The following FIG4 variants were observed in gnomAD, a reference collection of about 807,000 sequenced individuals.
FIG4 encodes the protein FIG4 phosphoinositide 5-phosphatase.
Under a neutral mutation model 118.6 loss-of-function variants are expected in FIG4, and 112 were observed. The observed-to-expected ratio is 0.94, with a 90% confidence interval of 0.81 to 1.11. The LOEUF is 1.11. Ranked by LOEUF, FIG4 falls within the 50% of genes least tolerant of loss-of-function variation. FIG4 has a pLI of 0.00. For synonymous variants in FIG4, 369 were observed against 381.2 expected (o/e 0.97, Z 0.37); for missense variants, 969 against 1,111.7 (o/e 0.87, Z 1.83).
intron 22 of FIG4, among the ~76,000 whole-genome samples, chr6:109,800,746 G>A (rs1778405233): frequency 6.6e-6 from 1 of 152,078 alleles, no homozygotes; most frequent in Non-Finnish European, 1.5e-5. Context: ...GGGCATCCTT[G>A]AACACTTTTT....
chr6:109,718,537 G>A (rs9398214), intron 3 of FIG4, among the ~76,000 whole-genome samples: 4 of 151,990 alleles, frequency 2.6e-5, no homozygotes, highest in Non-Finnish European at 5.9e-5. Context: ...GAATACTGTC[G>A]TTGCTCTTCA....
chr6:109,777,187 A>T (rs891580966), intron 16 of FIG4, 127 bp downstream of exon 16: 31 of 862,570 alleles, frequency 3.6e-5, no homozygotes, highest in Non-Finnish European at 5.1e-5. Flanking sequence ...AATTTTTAAA[A>T]TTTTTTGTGG....
intron 18 of FIG4, among the ~76,000 whole-genome samples, chr6:109,789,122 A>C (rs1170001662): frequency 6.6e-6 from 1 of 152,216 alleles, no homozygotes; most frequent in East Asian, 1.9e-4. Flanking sequence ...GTTGTCCATG[A>C]AACTGAACAG....
intron 22 of FIG4, among the ~76,000 whole-genome samples, chr6:109,813,374 A>T (rs1778773512): frequency 6.6e-6 from 1 of 152,146 alleles, no homozygotes; most frequent in African/African-American, 2.4e-5. Context: ...TAATCCTCAA[A>T]CCCATTCAAG....
intron 22 of FIG4, among the ~76,000 whole-genome samples, chr6:109,807,746 A>G (rs754383729): frequency 2.6e-5 from 4 of 152,106 alleles, no homozygotes; most frequent in Non-Finnish European, 4.4e-5. Context: ...TTTAGGTCTT[A>G]TGTTTAAGTA....
Position 109,743,876 on chromosome 6 carries a change from G to T in FIG4, c.1137+104G>T. On this transcript the variant is annotated intron_variant, in intron 10 of 22. Coordinates refer to ENST00000230124, the MANE Select transcript of FIG4 (RefSeq NM_014845.6). Reference sequence around the variant, plus strand: ...AGCCATGCTTTCCCTCTTCCTAGTGGAGAGACGTGCAGATTATTATGCTGG... The same window carrying T: ...AGCCATGCTTTCCCTCTTCCTAGTGTAGAGACGTGCAGATTATTATGCTGG... 3.6e-6 allele frequency: 3 copies of T among 836,556 alleles called. No homozygotes were observed. The South Asian group carries it at 4.1e-5, about 11-fold the overall frequency. 51.8% of individuals were successfully genotyped at this position (836,556 alleles called of 1,614,324 possible).
At chr6:109,724,388 C>T (rs999350380) in intron 3 of FIG4, among the ~76,000 whole-genome samples, 4 of 152,118 alleles carry the variant, frequency 2.6e-5, no homozygotes, top group Non-Finnish European at 5.9e-5. Flanking sequence ...AGCTGTGTAC[C>T]TTGCCTGCAT....
chr6:109,707,410 T>C (rs117993671), intron 1 of FIG4, among the ~76,000 whole-genome samples: 6,286 of 148,364 alleles, frequency 0.042, 170 homozygotes, highest in South Asian at 0.09. Flanking sequence ...TACATATACA[T>C]ATATACCTAT....
chr6:109,743,777 G>A lies in FIG4; in HGVS notation c.1137+5G>A. On this transcript the variant is annotated splice_donor_5th_base_variant and intron_variant, in intron 10 of 22. Coordinates refer to ENST00000230124, the MANE Select transcript of FIG4 (RefSeq NM_014845.6). The stretch of plus-strand genomic sequence containing the variant: ...ATCATCTTGAATTTAGTGAAGGTAT[G>A]ATGTGCTCATCTGTTTGGTTATGAG... 10 of 1,597,980 alleles carry A rather than the reference G, an allele frequency of 6.3e-6. No individual in the cohort carries two copies. Among genetic ancestry groups the A allele is most frequent in the Non-Finnish European group, 8.6e-6 (10 of 1,165,912 alleles).
intron 1 of FIG4, among the ~76,000 whole-genome samples, chr6:109,710,462 G>A (rs1775222623): frequency 6.6e-6 from 1 of 152,156 alleles, no homozygotes; most frequent in African/African-American, 2.4e-5. Flanking sequence ...GATGATGCTG[G>A]CCTCATAGAA....
At chr6:109,730,237 T>G (rs1257287776) in intron 4 of FIG4, among the ~76,000 whole-genome samples, 2 of 151,844 alleles carry the variant, frequency 1.3e-5, no homozygotes, top group Non-Finnish European at 2.9e-5. Context: ...TCGGCAGAAA[T>G]AGGGTCTTTC....
At chr6:109,785,093 T>G in intron 17 of FIG4, 65 bp downstream of exon 17, 1 of 889,814 alleles carries the variant, frequency 1.1e-6, no homozygotes, top group South Asian at 1.3e-5. Flanking sequence ...TTAATGAACT[T>G]GAAGCATTAA....
chr6:109,706,281 G>A (rs759583754), intron 1 of FIG4, among the ~76,000 whole-genome samples: 1 of 152,186 alleles, frequency 6.6e-6, no homozygotes, highest in Non-Finnish European at 1.5e-5. Flanking sequence ...GACATGGGTG[G>A]TTCACTGGCC....
At chr6:109,810,890 G>A (rs1316887025) in intron 22 of FIG4, among the ~76,000 whole-genome samples, 1 of 152,204 alleles carries the variant, frequency 6.6e-6, no homozygotes, top group Non-Finnish European at 1.5e-5. Context: ...GTATCAGAAA[G>A]AGTATGAGGC....
intron 19 of FIG4, among the ~76,000 whole-genome samples, chr6:109,789,920 A>G (rs1778091235): frequency 6.6e-6 from 1 of 152,254 alleles, no homozygotes; most frequent in Admixed American, 6.5e-5. Flanking sequence ...ATGATGTCTT[A>G]TAAATAACTC....
intron 5 of FIG4, among the ~76,000 whole-genome samples, chr6:109,734,344 A>C (rs1216408392): frequency 2.6e-5 from 4 of 151,338 alleles, no homozygotes; most frequent in Non-Finnish European, 4.4e-5. Flanking sequence ...TCAACACTTA[A>C]GAAATATATA....
At chr6:109,719,022 C>A (rs186022405) in intron 3 of FIG4, among the ~76,000 whole-genome samples, 3 of 151,768 alleles carry the variant, frequency 2.0e-5, no homozygotes, top group African/African-American at 4.8e-5. Flanking sequence ...GAGTTCAAGC[C>A]ATTCTCGTGC....
At chr6:109,731,179 C>T (rs903228818) in intron 4 of FIG4, among the ~76,000 whole-genome samples, 6 of 152,174 alleles carry the variant, frequency 3.9e-5, no homozygotes, top group African/African-American at 1.4e-4. Flanking sequence ...TATCTGCTGT[C>T]ATCAAATTAT....
intron 10 of FIG4, among the ~76,000 whole-genome samples, chr6:109,756,482 C>A (rs1776906755): frequency 6.6e-6 from 1 of 151,994 alleles, no homozygotes; most frequent in African/African-American, 2.4e-5. Flanking sequence ...GAATGTTGGC[C>A]TGCCTTGCTA....
Sources: allele counts gnomAD v4.1 joint callset (sites outside exome capture counted in the v4.1 genomes callset), GRCh38; gene constraint gnomAD v4.1.1; transcripts MANE v1.5; gene names NCBI Gene and HGNC (gene_info 2026-07-23, HGNC 2026-07-21).